GAB2: variants seen among roughly 807,000 people sequenced by gnomAD.
GAB2 encodes the protein GRB2 associated binding protein 2, also known as GRB2-associated-binding protein 2.
Under a neutral mutation model 65.5 loss-of-function variants are expected in GAB2, and 26 were observed. The observed-to-expected ratio is 0.40, with a 90% confidence interval of 0.29 to 0.55. The LOEUF is 0.55. Ranked by LOEUF, GAB2 falls within the 20% of genes least tolerant of loss-of-function variation. GAB2 has a pLI of 0.53. For missense variants in GAB2, 884 were observed against 875.8 expected (o/e 1.01, Z -0.12); for synonymous variants, 321 against 329.6 (o/e 0.97, Z 0.28).
intron 3 of GAB2, among the ~76,000 whole-genome samples, chr11:78,241,842 C>G (rs1026595564): frequency 9.9e-5 from 15 of 152,180 alleles, no homozygotes; most frequent in African/African-American, 3.4e-4. Context: ...GAGAGACAGA[C>G]TCTAATATAA....
intron 1 of GAB2, among the ~76,000 whole-genome samples, chr11:78,402,749 C>A (rs1856990951): frequency 6.6e-6 from 1 of 152,088 alleles, no homozygotes; most frequent in South Asian, 2.1e-4. Flanking sequence ...CTGCGCCCGG[C>A]CATGAGCAGA....
At chr11:78,339,454 A>T (rs1442180883) in intron 1 of GAB2, among the ~76,000 whole-genome samples, 1 of 152,238 alleles carries the variant, frequency 6.6e-6, no homozygotes. Context: ...ACACTTAAAA[A>T]ATAAATAGCA....
At chr11:78,245,300 A>G (rs1865266681) in intron 3 of GAB2, among the ~76,000 whole-genome samples, 1 of 151,330 alleles carries the variant, frequency 6.6e-6, no homozygotes, top group Admixed American at 6.7e-5. Flanking sequence ...TATTTATGCT[A>G]TGTATTTACT....
At chr11:78,404,424 G>A (rs1286439427) in intron 1 of GAB2, among the ~76,000 whole-genome samples, 1 of 152,220 alleles carries the variant, frequency 6.6e-6, no homozygotes, top group Non-Finnish European at 1.5e-5. Context: ...GCGCATGTCT[G>A]TAGTCCCAGC....
At chr11:78,225,653 T>C (rs1864617146) in intron 4 of GAB2, among the ~76,000 whole-genome samples, 1 of 152,238 alleles carries the variant, frequency 6.6e-6, no homozygotes, top group African/African-American at 2.4e-5. Flanking sequence ...ACTGCTCAAA[T>C]TGTCGATGGA....
intron 1 of GAB2, among the ~76,000 whole-genome samples, chr11:78,290,295 A>T (rs1331264454): frequency 6.6e-6 from 1 of 152,142 alleles, no homozygotes; most frequent in African/African-American, 2.4e-5. Context: ...TGGAAAAAAG[A>T]ATTTGTGTCT....
chr11:78,225,108 C>G lies in GAB2; in HGVS notation c.1302G>C (p.Leu434=), dbSNP rs1037313032. 2 of 1,606,550 alleles carry G rather than the reference C, an allele frequency of 1.2e-6. No individual in the cohort carries two copies. The highest frequency in any genetic ancestry group is 1.7e-6 in the Non-Finnish European group (2 of 1,173,208). The part of the protein sequence containing the change: ...ESMSDGVGSF[L]PGKMIVGRSD... ...GACCCTTGGGTTAACCCACACTCACCAGGAAAGAGCCAACTCCATCACTCA... is the reference window on the plus strand; with the variant it reads ...GACCCTTGGGTTAACCCACACTCACGAGGAAAGAGCCAACTCCATCACTCA... The change falls in exon 5 of 10, where the codon CTG becomes CTC. Residue 434 remains leucine, a splice_region_variant and synonymous_variant. Coordinates refer to ENST00000361507, the MANE Select transcript of GAB2 (RefSeq NM_080491.3).
At chr11:78,375,067 C>T (rs1027457068) in intron 1 of GAB2, among the ~76,000 whole-genome samples, 2 of 152,142 alleles carry the variant, frequency 1.3e-5, no homozygotes, top group Non-Finnish European at 2.9e-5. Context: ...TCTTTAGAGG[C>T]AGGGTCTTGC....
At chr11:78,347,342 T>C (rs1856208306) in intron 1 of GAB2, among the ~76,000 whole-genome samples, 1 of 152,160 alleles carries the variant, frequency 6.6e-6, no homozygotes, top group African/African-American at 2.4e-5. Context: ...ATCCTCCTCA[T>C]AGGGTACAGC....
chr11:78,232,605 G>C (rs11603351), intron 3 of GAB2, among the ~76,000 whole-genome samples: 1 of 152,166 alleles, frequency 6.6e-6, no homozygotes. Flanking sequence ...AGTTATTTTA[G>C]CAAGAATACA....
intron 1 of GAB2, chr11:78,318,369 CAAAAAAAAAA>C (rs11272998): frequency 2.1e-5 from 1 of 47,676 alleles, no homozygotes; most frequent in Non-Finnish European, 4.0e-5. Flanking sequence ...TGTTAAATGC[CAAAAAAAAAA>C]AAAAAAAGCT....
intron 1 of GAB2, 41 bp downstream of exon 1, chr11:78,417,605 G>C: frequency 8.6e-7 from 1 of 1,158,094 alleles, no homozygotes; most frequent in Non-Finnish European, 1.1e-6. Context: ...AGGCCCCGGA[G>C]CGCCCCCCGC....
intron 1 of GAB2, among the ~76,000 whole-genome samples, chr11:78,323,790 C>CTTTTTTTTTTTTTT (rs749282969): frequency 2.6e-5 from 2 of 77,260 alleles, no homozygotes; most frequent in African/African-American, 1.0e-4. Context: ...CTGAATCTTT[C>CTTTTTTTTTTTTTT]TTTTTTTTTT....
intron 1 of GAB2, among the ~76,000 whole-genome samples, chr11:78,312,636 C>T (rs1214101575): frequency 6.6e-6 from 1 of 152,058 alleles, no homozygotes; most frequent in East Asian, 1.9e-4. Context: ...ACCATGTTGG[C>T]CAGACTGGTC....
intron 1 of GAB2, among the ~76,000 whole-genome samples, chr11:78,324,954 T>A (rs1054951600): frequency 2.0e-5 from 3 of 152,194 alleles, no homozygotes; most frequent in African/African-American, 7.2e-5. Flanking sequence ...TTCGGGAACT[T>A]TGCAACCCAA....
At chr11:78,275,218 C>G (rs1352598296) in intron 2 of GAB2, among the ~76,000 whole-genome samples, 1 of 152,070 alleles carries the variant, frequency 6.6e-6, no homozygotes, top group Non-Finnish European at 1.5e-5. Context: ...TTGGGTAGCC[C>G]TTCTGAACCC....
chr11:78,407,907 C>T (rs1285505117), intron 1 of GAB2, among the ~76,000 whole-genome samples: 1 of 151,914 alleles, frequency 6.6e-6, no homozygotes, highest in African/African-American at 2.4e-5. Flanking sequence ...TTTACAGGTG[C>T]TCAAAGAAAA....
intron 1 of GAB2, chr11:78,364,127 T>G (rs892154722): frequency 3.9e-5 from 6 of 152,146 alleles, no homozygotes; most frequent in East Asian, 3.9e-4. Context: ...GAAAAAAGAA[T>G]GTAAGGTCCA....
intron 1 of GAB2, among the ~76,000 whole-genome samples, chr11:78,359,995 T>C (rs1302975467): frequency 6.6e-5 from 10 of 152,152 alleles, no homozygotes; most frequent in African/African-American, 2.2e-4. Flanking sequence ...TAATCATATG[T>C]ATCCATATAA....
Sources: allele counts gnomAD v4.1 joint callset (sites outside exome capture counted in the v4.1 genomes callset), GRCh38; gene constraint gnomAD v4.1.1; transcripts MANE v1.5; gene names NCBI Gene and HGNC (gene_info 2026-07-23, HGNC 2026-07-21).